The following ASIC2 variants were observed in gnomAD, a reference collection of about 807,000 sequenced individuals.
The protein encoded by ASIC2 is acid-sensing ion channel 2.
In ASIC2, 25 loss-of-function variants were observed where a neutral mutation model predicts 57.3. The observed-to-expected ratio is 0.44, with a 90% confidence interval of 0.32 to 0.61. The LOEUF (loss-of-function observed/expected upper bound fraction) is 0.61. Among genes scored for constraint, ASIC2 ranks in the 20% least tolerant of loss-of-function variants. ASIC2 has a pLI of 0.06. For missense variants in ASIC2, 641 were observed against 738.1 expected (o/e 0.87, Z 1.52); for synonymous variants, 319 against 307.5 (o/e 1.04, Z -0.39).
chr17:34,099,162 GAGAA>G (rs759417669), intron 1 of ASIC2, among the ~76,000 whole-genome samples: 1,872 of 41,714 alleles, frequency 0.045, 31 homozygotes, highest in Middle Eastern at 0.12. Context: ...GAGAGAGAGA[GAGAA>G]AGAAAGAAAG....
At chr17:33,724,600 A>G (rs979584945) in intron 1 of ASIC2, among the ~76,000 whole-genome samples, 3 of 152,104 alleles carry the variant, frequency 2.0e-5, no homozygotes, top group African/African-American at 7.2e-5. Context: ...GGGAATGAGG[A>G]GCCTAAGGGA....
chr17:33,393,243 T>C (rs1350592792), intron 1 of ASIC2, among the ~76,000 whole-genome samples: 1 of 152,214 alleles, frequency 6.6e-6, no homozygotes, highest in African/African-American at 2.4e-5. Flanking sequence ...TGTACCTTAA[T>C]GACTTATCCC....
chr17:33,676,861 AGGTGG>A (rs1907839097), intron 1 of ASIC2, among the ~76,000 whole-genome samples: 1 of 139,262 alleles, frequency 7.2e-6, no homozygotes, highest in South Asian at 2.1e-4. Context: ...GGCCTGGTGG[AGGTGG>A]AAGGTGTCTG....
At chr17:33,507,872 T>C (rs1914312997) in intron 1 of ASIC2, among the ~76,000 whole-genome samples, 1 of 152,210 alleles carries the variant, frequency 6.6e-6, no homozygotes, top group Admixed American at 6.5e-5. Flanking sequence ...GCCACTGCAC[T>C]CCAGCCTGGG....
At position 33,247,895 on chromosome 17, in the gene ASIC2, G is replaced by T. The variant is rs148577731; in HGVS notation, c.708+43513C>A. ...GAGACAGAGGTCTTTGTGTCTCAGG[G>T]AGCTTAGACTCTGAAGTATATGTGT... On this transcript the variant is annotated intron_variant, in intron 1 of 9. Coordinates refer to ENST00000225823, the MANE Select transcript of ASIC2 (RefSeq NM_183377.2). 4.2e-3 allele frequency among the ~76,000 whole-genome samples: 640 copies of T among 152,302 alleles called. 4 individuals carry two copies. Among genetic ancestry groups the T allele is most frequent in the African/African-American group, 0.015 (604 of 41,572 alleles).
intron 1 of ASIC2, among the ~76,000 whole-genome samples, chr17:33,595,384 C>G (rs1485570350): frequency 6.6e-6 from 1 of 152,192 alleles, no homozygotes; most frequent in African/African-American, 2.4e-5. Flanking sequence ...AACAAGATCT[C>G]AGGAGACAAG....
At chr17:33,145,455 C>G (rs1904522718) in intron 1 of ASIC2, among the ~76,000 whole-genome samples, 1 of 152,266 alleles carries the variant, frequency 6.6e-6, no homozygotes, top group African/African-American at 2.4e-5. Flanking sequence ...AACACCATTT[C>G]TTCCCTTTCC....
chr17:33,489,328 T>G (rs781687403), intron 1 of ASIC2, among the ~76,000 whole-genome samples: 2 of 152,166 alleles, frequency 1.3e-5, no homozygotes, highest in Non-Finnish European at 2.9e-5. Context: ...AGCCCCATTA[T>G]ATAACCAGGA....
At chr17:33,024,925 C>T (rs1478705712) in intron 5 of ASIC2, among the ~76,000 whole-genome samples, 4 of 152,162 alleles carry the variant, frequency 2.6e-5, no homozygotes, top group South Asian at 2.1e-4. Flanking sequence ...GTTGCAATTG[C>T]CCTGAATAAA....
chr17:33,568,586 C>T (rs149612557), intron 1 of ASIC2, among the ~76,000 whole-genome samples: 268 of 152,274 alleles, frequency 1.8e-3, no homozygotes, highest in Middle Eastern at 6.8e-3. Flanking sequence ...TCACGACCCT[C>T]GAGCAGAGTT....
chr17:33,961,220 A>G (rs1904909876), intron 1 of ASIC2, among the ~76,000 whole-genome samples: 1 of 152,260 alleles, frequency 6.6e-6, no homozygotes, highest in African/African-American at 2.4e-5. Flanking sequence ...ACCCAAGCCC[A>G]TGAACCAAGT....
intron 1 of ASIC2, chr17:33,980,893 T>C (rs1905590139): frequency 4.0e-5 from 6 of 151,898 alleles, no homozygotes; most frequent in Admixed American, 2.6e-4. Flanking sequence ...ACAGCTCAGC[T>C]TCTCCCTCTG....
At chr17:33,893,442 A>G (rs1915014230) in intron 1 of ASIC2, among the ~76,000 whole-genome samples, 1 of 152,186 alleles carries the variant, frequency 6.6e-6, no homozygotes, top group East Asian at 1.9e-4. Flanking sequence ...ATAAAGACTT[A>G]ACGTAGGTCA....
intron 1 of ASIC2, chr17:34,079,043 C>G (rs538417533): frequency 6.6e-6 from 1 of 152,364 alleles, no homozygotes; most frequent in African/African-American, 2.4e-5. Context: ...TGCCCCTCAC[C>G]TGGACTCTTG....
At chr17:33,820,241 T>C (rs990496067) in intron 1 of ASIC2, among the ~76,000 whole-genome samples, 1 of 152,250 alleles carries the variant, frequency 6.6e-6, no homozygotes, top group African/African-American at 2.4e-5. Flanking sequence ...TATGTGAACC[T>C]CCCTTTTCAA....
intron 1 of ASIC2, among the ~76,000 whole-genome samples, chr17:33,432,347 C>G (rs1268210673): frequency 6.6e-6 from 1 of 152,170 alleles, no homozygotes; most frequent in Non-Finnish European, 1.5e-5. Context: ...GAGACCTCGT[C>G]TCTACAAAAA....
intron 1 of ASIC2, among the ~76,000 whole-genome samples, chr17:34,049,876 A>G (rs1908487490): frequency 1.3e-5 from 2 of 152,104 alleles, no homozygotes; most frequent in Admixed American, 1.3e-4. Flanking sequence ...TTGGACCTTC[A>G]ATAAACCCTG....
At position 33,509,759 on chromosome 17, in the gene ASIC2, C is replaced by T. The variant is rs1308857969; in HGVS notation, c.556-397692G>A. Among the ~76,000 whole-genome samples the T allele has an allele frequency of 3.3e-5, 5 of 152,236 alleles. No homozygotes were observed. The East Asian group carries it at 9.6e-4, about 29-fold the overall frequency. On this transcript the variant is annotated intron_variant, in intron 1 of 9. Coordinates refer to the ASIC2 transcript ENST00000359872. ...AGGAAAAGAATATTTCAGCAATTCA[C>T]TGAAAGCTGAATATAGCCCTTGCCC...
intron 1 of ASIC2, among the ~76,000 whole-genome samples, chr17:33,413,926 G>A (rs918870317): frequency 4.6e-5 from 7 of 152,190 alleles, no homozygotes; most frequent in East Asian, 1.9e-4. Flanking sequence ...GGGGCAAAGA[G>A]CACTCTATTT....
Sources: allele counts gnomAD v4.1 joint callset (sites outside exome capture counted in the v4.1 genomes callset), GRCh38; gene constraint gnomAD v4.1.1; transcripts MANE v1.5; gene names NCBI Gene and HGNC (gene_info 2026-07-23, HGNC 2026-07-21).